DPH6: variants seen among roughly 807,000 people sequenced by gnomAD.
The protein encoded by DPH6 is diphthine--ammonia ligase.
A neutral mutation model predicts 38.2 loss-of-function variants in DPH6; 33 were observed. That is an observed-to-expected ratio of 0.86 (90% confidence interval 0.65 to 1.15). The LOEUF (loss-of-function observed/expected upper bound fraction) is 1.15, where lower values mean the gene tolerates loss of function less well. DPH6 is among the 50% of genes most tolerant of loss of function. The pLI is 0.00. For synonymous variants in DPH6, 108 were observed against 103.0 expected, an observed-to-expected ratio of 1.05 and a Z score of -0.30; for missense variants, 325 against 320.0, an observed-to-expected ratio of 1.02 and a Z score of -0.12.
At chr15:35,421,736 C>T (rs2053507796) in intron 5 of DPH6, among the ~76,000 whole-genome samples, 2 of 152,040 alleles carry the variant, frequency 1.3e-5, no homozygotes, top group Admixed American at 1.3e-4. Flanking sequence ...CCTATATAGC[C>T]TTCTGTTTCA....
intron 5 of DPH6, among the ~76,000 whole-genome samples, chr15:35,435,161 ACACGACCCTTC>A (rs1484379694): frequency 6.6e-6 from 1 of 152,162 alleles, no homozygotes; most frequent in African/African-American, 2.4e-5. Flanking sequence ...TCGATTATCT[ACACGACCCTTC>A]CACAAAAATA....
intron 3 of DPH6, among the ~76,000 whole-genome samples, chr15:35,250,041 G>A (rs570687240): frequency 1.1e-3 from 169 of 151,746 alleles, no homozygotes; most frequent in Admixed American, 2.2e-3. Flanking sequence ...TGGGCTACAG[G>A]GTGGTGGGCA....
chr15:35,260,319 G>A (rs932642149), intron 3 of DPH6, among the ~76,000 whole-genome samples: 4 of 151,996 alleles, frequency 2.6e-5, no homozygotes, highest in Non-Finnish European at 5.9e-5. Flanking sequence ...TGTTGGCCAG[G>A]CTGGTCTTGA....
chr15:35,334,092 T>G (rs2052348860), intron 3 of DPH6, among the ~76,000 whole-genome samples: 1 of 152,036 alleles, frequency 6.6e-6, no homozygotes, highest in South Asian at 2.1e-4. Context: ...CGGATGTCCA[T>G]TTTTAATTTT....
intron 3 of DPH6, among the ~76,000 whole-genome samples, chr15:35,496,591 T>TATATATATATATATATAC (rs1595417564): frequency 8.3e-6 from 1 of 119,864 alleles, no homozygotes; most frequent in Non-Finnish European, 1.7e-5. Context: ...TATATATATA[T>TATATATATATATATATAC]CCTCTACCAA....
intron 3 of DPH6, among the ~76,000 whole-genome samples, chr15:35,503,760 T>A (rs538947182): frequency 6.6e-6 from 1 of 152,128 alleles, no homozygotes; most frequent in Admixed American, 6.6e-5. Context: ...AATTGACTCA[T>A]TCAATCTCAC....
chr15:35,299,222 C>A lies in DPH6; in HGVS notation n.200+74299G>T, dbSNP rs560014396. The A allele has an allele frequency of 3.2e-6, 4 of 1,235,132 alleles. No individual in the cohort carries two copies. In the African/African-American group the frequency reaches 5.9e-5, roughly 18 times the overall value. 76.5% of individuals were successfully genotyped at this position (1,235,132 alleles called of 1,614,324 possible). A position where few individuals can be genotyped will look rare whatever the true frequency, so the allele number is the denominator to read the frequency against. On this transcript the variant is annotated intron_variant and non_coding_transcript_variant, in intron 3 of 3. Coordinates refer to the DPH6 transcript ENST00000560386. ...GAACAGGATCCTTCAGCCCAGCTGG[C>A]ACATGCGGTGGTGTGTCCACAATTT...
At chr15:35,353,686 T>C (rs2052535203) in intron 3 of DPH6, among the ~76,000 whole-genome samples, 2 of 152,326 alleles carry the variant, frequency 1.3e-5, no homozygotes, top group Admixed American at 6.5e-5. Flanking sequence ...ACTGTAGCCT[T>C]GTAGTATAGT....
chr15:35,177,942 C>CA, the DPH6 span, among the ~76,000 whole-genome samples: 31,868 of 146,686 alleles, frequency 0.22, 4,274 homozygotes, highest in East Asian at 0.68. Flanking sequence ...AACTCTGCCT[C>CA]AAAAAAAAAA....
chr15:35,405,055 G>T (rs1380330383), intron 6 of DPH6, among the ~76,000 whole-genome samples: 3 of 151,412 alleles, frequency 2.0e-5, no homozygotes, highest in Non-Finnish European at 1.5e-5. Flanking sequence ...TTTGTTTCTG[G>T]GTTCTCTATC....
intron 3 of DPH6, among the ~76,000 whole-genome samples, chr15:35,231,127 T>C (rs1243625516): frequency 6.6e-6 from 1 of 152,232 alleles, no homozygotes; most frequent in African/African-American, 2.4e-5. Flanking sequence ...TCAAGTTTAT[T>C]TGGAGCCCCA....
At chr15:35,355,941 C>A (rs2052555903) in intron 3 of DPH6, among the ~76,000 whole-genome samples, 1 of 152,202 alleles carries the variant, frequency 6.6e-6, no homozygotes, top group Admixed American at 6.5e-5. Context: ...TAGATTTGGT[C>A]TTTTCACATA....
intron 3 of DPH6, among the ~76,000 whole-genome samples, chr15:35,245,696 G>A (rs1181192365): frequency 2.0e-5 from 3 of 152,172 alleles, no homozygotes; most frequent in African/African-American, 7.2e-5. Flanking sequence ...ATGAACTGCA[G>A]AACAGCTCTC....
At chr15:35,301,027 G>C (rs959060868) in intron 3 of DPH6, among the ~76,000 whole-genome samples, 4 of 152,100 alleles carry the variant, frequency 2.6e-5, no homozygotes, top group Admixed American at 1.3e-4. Context: ...TTCTTGATCT[G>C]AGCAACAAGA....
chr15:35,229,415 A>G (rs2051502672), intron 3 of DPH6, among the ~76,000 whole-genome samples: 1 of 152,038 alleles, frequency 6.6e-6, no homozygotes, highest in South Asian at 2.1e-4. Flanking sequence ...CTATTTGTTA[A>G]ATTTAGCTGA....
chr15:35,514,293 G>A (rs2054816172), intron 3 of DPH6, among the ~76,000 whole-genome samples: 1 of 152,022 alleles, frequency 6.6e-6, no homozygotes, highest in South Asian at 2.1e-4. Context: ...ACGCAAAATA[G>A]CATAAAGGAG....
intron 3 of DPH6, among the ~76,000 whole-genome samples, chr15:35,463,185 A>G (rs2054086661): frequency 6.6e-6 from 1 of 152,134 alleles, no homozygotes; most frequent in Non-Finnish European, 1.5e-5. Context: ...CTCAGATTAA[A>G]AGTTGATGAG....
chr15:35,272,888 C>T (rs1327969579), intron 3 of DPH6, among the ~76,000 whole-genome samples: 4 of 151,436 alleles, frequency 2.6e-5, no homozygotes, highest in African/African-American at 9.7e-5. Flanking sequence ...GCCTGGGCAA[C>T]AGAGCGAGAC....
chr15:35,544,868 G>T (rs1045444331), intron 1 of DPH6, among the ~76,000 whole-genome samples: 4 of 152,180 alleles, frequency 2.6e-5, no homozygotes, highest in Non-Finnish European at 1.5e-5. Flanking sequence ...CTTTTGGCAA[G>T]CGATGTAAAT....
Sources: gnomAD v4.1 joint callset for allele counts (sites outside exome capture counted in the v4.1 genomes callset) on GRCh38, gnomAD v4.1.1 for gene constraint, MANE v1.5 for transcripts, NCBI Gene and HGNC (gene_info 2026-07-23, HGNC 2026-07-21) for gene names.